NDRG1: variants seen among roughly 807,000 people sequenced by gnomAD.
NDRG1 encodes the protein N-myc downstream regulated 1, also known as protein NDRG1.
A neutral mutation model predicts 56.9 loss-of-function variants in NDRG1; 32 were observed. The ratio of observed to expected loss-of-function variants is 0.56; its 90% CI spans 0.42 to 0.76. The LOEUF (loss-of-function observed/expected upper bound fraction) is 0.76, where lower values mean the gene tolerates loss of function less well. NDRG1 is among the 30% of genes least tolerant of loss of function. The pLI is 0.00. For missense variants in NDRG1, 507 were observed against 545.7 expected (o/e 0.93, Z 0.71); for synonymous variants, 211 against 204.1 (o/e 1.03, Z -0.29).
At chr8:133,287,207 G>A (rs896485538) in intron 1 of NDRG1, among the ~76,000 whole-genome samples, 9 of 152,126 alleles carry the variant, frequency 5.9e-5, no homozygotes, top group African/African-American at 2.2e-4. Context: ...AAAAGCCAAG[G>A]TGCTTCGGCT....
intron 4 of NDRG1, among the ~76,000 whole-genome samples, chr8:133,263,864 C>T (rs764017370): frequency 6.9e-6 from 1 of 145,288 alleles, no homozygotes; most frequent in Non-Finnish European, 1.5e-5. Context: ...TGCAGTGAGC[C>T]ACGATCGCAC....
intron 3 of NDRG1, among the ~76,000 whole-genome samples, chr8:133,269,307 A>T (rs1857073424): frequency 1.3e-5 from 2 of 152,218 alleles, no homozygotes; most frequent in South Asian, 4.1e-4. Context: ...ACCAGGCCAC[A>T]GAAGACCCTG....
At chr8:133,245,853 C>G (rs1430836703) in intron 13 of NDRG1, among the ~76,000 whole-genome samples, 1 of 152,186 alleles carries the variant, frequency 6.6e-6, no homozygotes, top group Non-Finnish European at 1.5e-5. Context: ...ATGTAAAGAG[C>G]CCAATACAGG....
intron 4 of NDRG1, among the ~76,000 whole-genome samples, chr8:133,264,122 C>T (rs112020965): frequency 6.6e-6 from 1 of 151,852 alleles, no homozygotes; most frequent in African/African-American, 2.4e-5. Flanking sequence ...ATACAAAATT[C>T]CAGAACAGGC....
intron 1 of NDRG1, among the ~76,000 whole-genome samples, chr8:133,294,243 G>A (rs982728163): frequency 6.6e-6 from 1 of 152,178 alleles, no homozygotes; most frequent in African/African-American, 2.4e-5. Flanking sequence ...TCTCCCACCT[G>A]AGCCATATGG....
chr8:133,254,274 G>T (rs1240399122), intron 9 of NDRG1, among the ~76,000 whole-genome samples: 1 of 152,182 alleles, frequency 6.6e-6, no homozygotes, highest in African/African-American at 2.4e-5. Context: ...TTTTACAAAT[G>T]TATATGCATG....
intron 6 of NDRG1, 104 bp from the exon 7 acceptor site, chr8:133,258,530 C>A: frequency 2.7e-6 from 3 of 1,091,460 alleles, no homozygotes; most frequent in African/African-American, 1.6e-5. Context: ...CTAGGCAATG[C>A]GGGAGCATGC....
At chr8:133,285,413 G>A (rs747651846) in intron 1 of NDRG1, among the ~76,000 whole-genome samples, 14 of 152,148 alleles carry the variant, frequency 9.2e-5, no homozygotes, top group Admixed American at 3.3e-4. Context: ...AATGGAAAAC[G>A]CCTGACCAAA....
At chr8:133,265,528 T>C (rs1279738155) in intron 3 of NDRG1, among the ~76,000 whole-genome samples, 1 of 152,086 alleles carries the variant, frequency 6.6e-6, no homozygotes, top group African/African-American at 2.4e-5. Context: ...ACCATGCCCA[T>C]CCTCCCTCCT....
At chr8:133,264,450 A>T (rs771302430) in intron 4 of NDRG1, 97 bp downstream of exon 4, 1 of 1,133,416 alleles carries the variant, frequency 8.8e-7, no homozygotes, top group Non-Finnish European at 1.3e-6. Context: ...GGCAAAAAGA[A>T]ACCACCAGCT....
intron 6 of NDRG1, 102 bp downstream of exon 6, chr8:133,259,066 C>A: frequency 7.9e-7 from 1 of 1,261,814 alleles, no homozygotes; most frequent in African/African-American, 1.5e-5. Flanking sequence ...TAAATTGCAA[C>A]CTTAATTTTA....
intron 3 of NDRG1, among the ~76,000 whole-genome samples, chr8:133,279,392 T>C (rs1331670205): frequency 1.3e-5 from 2 of 152,208 alleles, no homozygotes; most frequent in African/African-American, 4.8e-5. Flanking sequence ...GGAGCATTCA[T>C]GAAATCAGAG....
At position 133,266,418 on chromosome 8, in the gene NDRG1, G is replaced by A. The variant is rs150142346; in HGVS notation, c.100-1766C>T. 1.9e-3 allele frequency among the ~76,000 whole-genome samples: 282 copies of A among 152,334 alleles called. 1 individual carries two copies. Among genetic ancestry groups the A allele is most frequent in the Non-Finnish European group, 3.2e-3 (217 of 68,034 alleles). On this transcript the variant is annotated intron_variant, in intron 3 of 15. Transcript: ENST00000323851. ...TGTGGCAGCAGAGAGGAAGGTCAGC[G>A]TTCACAAACTCACGCTTGAGAAGAA...
At chr8:133,258,590 C>G (rs1419123046) in intron 6 of NDRG1, among the ~76,000 whole-genome samples, 164 bp from the exon 7 acceptor site, 1 of 152,232 alleles carries the variant, frequency 6.6e-6, no homozygotes, top group East Asian at 1.9e-4. Context: ...TAGGACTGGA[C>G]AGAGACCTCG....
chr8:133,271,522 T>C (rs1349000604), intron 3 of NDRG1, among the ~76,000 whole-genome samples: 2 of 152,044 alleles, frequency 1.3e-5, no homozygotes, highest in East Asian at 1.9e-4. Context: ...TAATGATCCA[T>C]TCCATTAAGT....
chr8:133,265,100 C>T (rs1189358675), intron 3 of NDRG1: 2 of 251,934 alleles, frequency 7.9e-6, no homozygotes, highest in Non-Finnish European at 8.0e-6. Context: ...CCCTCAGTTT[C>T]CTTCAGGAAC....
At chr8:133,258,224 A>G in intron 7 of NDRG1, 142 bp downstream of exon 7, 1 of 785,776 alleles carries the variant, frequency 1.3e-6, no homozygotes, top group Non-Finnish European at 2.2e-6. Flanking sequence ...GTACCCATGC[A>G]CCACACACAC....
chr8:133,263,777 G>A (rs1045428755), intron 4 of NDRG1, among the ~76,000 whole-genome samples: 6 of 152,098 alleles, frequency 3.9e-5, no homozygotes, highest in South Asian at 2.1e-4. Flanking sequence ...TTAGTCAGGC[G>A]TGGTGGTGGG....
At chr8:133,269,221 C>T (rs1369343537) in intron 3 of NDRG1, among the ~76,000 whole-genome samples, 1 of 152,150 alleles carries the variant, frequency 6.6e-6, no homozygotes, top group Non-Finnish European at 1.5e-5. Flanking sequence ...CAACTTCTGG[C>T]TGGGACAAGG....
Sources: allele counts gnomAD v4.1 joint callset (sites outside exome capture counted in the v4.1 genomes callset), GRCh38; gene constraint gnomAD v4.1.1; transcripts MANE v1.5; gene names NCBI Gene and HGNC (gene_info 2026-07-23, HGNC 2026-07-21).